TPRG1L: variants seen among roughly 807,000 people sequenced by gnomAD.
TPRG1L encodes tumor protein p63 regulated 1 like.
In TPRG1L, 25 loss-of-function variants were observed where a neutral mutation model predicts 29.4. The ratio of observed to expected loss-of-function variants is 0.85; its 90% CI spans 0.62 to 1.19. The LOEUF is 1.19. Among genes scored for constraint, TPRG1L ranks in the 50% most tolerant of loss-of-function variants. The pLI, the probability that TPRG1L is intolerant of heterozygous loss-of-function variation, is 0.00. For missense variants in TPRG1L, 354 were observed against 364.4 expected (o/e 0.97, Z 0.23); for synonymous variants, 182 against 151.1 (o/e 1.20, Z -1.50).
Position 3,625,407 on chromosome 1 carries a change from C to G in TPRG1L, c.202-17C>G, listed in dbSNP as rs753972769. 9 of 1,573,682 alleles carry G rather than the reference C, an allele frequency of 5.7e-6. No individual in the cohort carries two copies. The highest frequency in any genetic ancestry group is 7.8e-6 in the Non-Finnish European group (9 of 1,160,626). Reference sequence around the variant, plus strand: ...CTGTGATCTTTGCCCCCGTCCCCCACCCCGCAACCCGCCCAGCCCGGCAGC... The same window carrying G: ...CTGTGATCTTTGCCCCCGTCCCCCAGCCCGCAACCCGCCCAGCCCGGCAGC... On this transcript the variant is annotated splice_polypyrimidine_tract_variant and intron_variant, in intron 1 of 4. Transcript: ENST00000378344.
chr1:3,628,543 C>T lies in TPRG1L; in HGVS notation c.759C>T (p.Ser253=), dbSNP rs759742891. ...TCGAGACCTACGTGGGACTCATGTC[C>T]TTCATTAACAACGAGGCGAAACTGG... ...LLIETYVGLM[S]FINNEAKLGY... is the part of the protein sequence containing the mutation. The change falls in exon 5 of 5, where the codon TCC becomes TCT. Residue 253 remains serine, a synonymous_variant. Transcript: ENST00000378344. 1.8e-5 allele frequency: 29 copies of T among 1,613,768 alleles called. No individual in the cohort carries two copies. The highest frequency in any genetic ancestry group is 9.9e-5 in the South Asian group (9 of 91,072).
chr1:3,627,796 G>A (rs1644500497), intron 4 of TPRG1L, 143 bp downstream of exon 4: 7 of 1,056,098 alleles, frequency 6.6e-6, no homozygotes, highest in South Asian at 1.6e-5. Context: ...AATGAGAGAG[G>A]AAGCTCTCAT....
At position 3,625,480 on chromosome 1, in the gene TPRG1L, G is replaced by A. The variant is rs199651335; in HGVS notation, c.258G>A (p.Glu86=). The change falls in exon 2 of 5, where the codon GAG becomes GAA. Residue 86 remains glutamate (E), a synonymous_variant. Coordinates refer to ENST00000378344, the MANE Select transcript of TPRG1L (RefSeq NM_182752.4). ...EEIRVVVRPV[E]DGEIQGVWLL... Reference sequence around the variant, plus strand: ...TCCGCGTGGTGGTGCGGCCCGTGGAGGACGGCGAGATCCAGGGAGTGTGGC... The same window carrying A: ...TCCGCGTGGTGGTGCGGCCCGTGGAAGACGGCGAGATCCAGGGAGTGTGGC... 5 of 1,607,580 alleles carry A rather than the reference G, an allele frequency of 3.1e-6. No homozygotes were observed. The highest frequency in any genetic ancestry group is 4.2e-6 in the Non-Finnish European group (5 of 1,178,090).
rs1644474146 is a variant in TPRG1L at position 3,625,194 on chromosome 1, C to T, written c.122C>T (p.Pro41Leu). 5.5e-6 allele frequency: 7 copies of T among 1,267,440 alleles called. No homozygotes were observed. In the Admixed American group the frequency reaches 1.3e-4, roughly 23 times the overall value. 78.5% of individuals were successfully genotyped at this position (1,267,440 alleles called of 1,614,324 possible). ...GGGGGGCGGCCGGGGGCGGGGACGCCGCTGCGCCAGACACTCTGGCCTCTC... is the reference window on the plus strand; with the variant it reads ...GGGGGGCGGCCGGGGGCGGGGACGCTGCTGCGCCAGACACTCTGGCCTCTC... ...PGGGRPGAGT[P>L]LRQTLWPLSI... The change falls in exon 1 of 5, where the codon CCG becomes CTG. Residue 41 changes from proline (P) to leucine (L), a missense_variant. Transcript: ENST00000378344.
Position 3,628,878 on chromosome 1 carries a change from T to G in TPRG1L, c.*275T>G, listed in dbSNP as rs1046270394. 3.1e-6 allele frequency: 1 copy of G among 320,994 alleles called. No individual in the cohort carries two copies. The highest frequency in any genetic ancestry group is 5.7e-6 in the Non-Finnish European group (1 of 173,942). 19.9% of individuals were successfully genotyped at this position (320,994 alleles called of 1,614,324 possible). A position where few individuals can be genotyped will look rare whatever the true frequency, so the allele number is the denominator to read the frequency against. On this transcript the variant is annotated 3_prime_UTR_variant, in exon 5 of 5. Transcript: ENST00000378344. ...TGTCCCTGTGCTGCTGGTATTTCAT[T>G]CTCTGTAACTTCAGTTCTGGTGTTT...
At position 3,628,909 on chromosome 1, in the gene TPRG1L, G is replaced by A. The variant is rs1644507048; in HGVS notation, c.*306G>A. 1 of 255,640 alleles carries A rather than the reference G, an allele frequency of 3.9e-6. No homozygotes were observed. Among genetic ancestry groups the A allele is most frequent in the African/African-American group, 2.2e-5 (1 of 45,408 alleles). The allele number at this position is 255,640 out of a possible 1,614,324, so 15.8% of individuals were successfully genotyped here. On this transcript the variant is annotated 3_prime_UTR_variant, in exon 5 of 5. Transcript: ENST00000378344. The stretch of plus-strand genomic sequence containing the variant: ...TAACTTCAGTTCTGGTGTTTTCCTT[G>A]AGTATCTACTTGGCTTCTCGTGGTT...
intron 3 of TPRG1L, 82 bp downstream of exon 3, chr1:3,625,971 C>T: frequency 7.5e-7 from 1 of 1,327,520 alleles, no homozygotes; most frequent in Non-Finnish European, 1.0e-6. Flanking sequence ...ATCAGCCCCC[C>T]AAGCGGTGTG....
At chr1:3,627,328 A>G (rs1270171898) in intron 3 of TPRG1L, among the ~76,000 whole-genome samples, 172 bp from the exon 4 acceptor site, 1 of 132,356 alleles carries the variant, frequency 7.6e-6, no homozygotes, top group East Asian at 1.9e-4. Context: ...AAAAATAAAT[A>G]AAAACAAAAA....
In TPRG1L at chr1:3,625,909, A is replaced by G. The variant is rs1166304526; in HGVS notation, c.470+20A>G. 14 of 1,599,958 alleles carry G rather than the reference A, an allele frequency of 8.8e-6. No homozygotes were observed. Among genetic ancestry groups the G allele is most frequent in the East Asian group, 4.5e-5 (2 of 44,748 alleles). On this transcript the variant is annotated intron_variant, in intron 3 of 4. Transcript: ENST00000378344. ...CAACAAGTAAGCCTGTTCAGAGTCC[A>G]GTATCACTGGACCTAAGCACCAGAG...
At chr1:3,627,352 C>T in intron 3 of TPRG1L, 148 bp from the exon 4 acceptor site, 1 of 795,542 alleles carries the variant, frequency 1.3e-6, no homozygotes. Flanking sequence ...AAACTACAAG[C>T]CGTTTTCCAT....
intron 3 of TPRG1L, 99 bp downstream of exon 3, chr1:3,625,988 C>T (rs754677007): frequency 8.5e-7 from 1 of 1,178,850 alleles, no homozygotes; most frequent in Non-Finnish European, 1.2e-6. Flanking sequence ...TGTGTCTTCT[C>T]TGTCATTAAT....
chr1:3,625,569 C>T, intron 2 of TPRG1L, 54 bp downstream of exon 2: 1 of 1,574,228 alleles, frequency 6.4e-7, no homozygotes, highest in Admixed American at 1.9e-5. Flanking sequence ...AGCCGCCGCG[C>T]AGCACCTTGC....
rs1011063333 is a variant in TPRG1L at position 3,628,693 on chromosome 1, C to A, written c.*90C>A. On this transcript the variant is annotated 3_prime_UTR_variant, in exon 5 of 5. Transcript: ENST00000378344. ...ATGTGGGGGCTGGGGGACTGGGAGG[C>A]CTGGCAGTCTTCATGCTGCCCTGCT... 2 of 1,332,492 alleles carry A rather than the reference C, an allele frequency of 1.5e-6. No individual in the cohort carries two copies. Among genetic ancestry groups the A allele is most frequent in the African/African-American group, 1.5e-5 (1 of 68,494 alleles). 82.5% of individuals were successfully genotyped at this position (1,332,492 alleles called of 1,614,324 possible). A position where few individuals can be genotyped will look rare whatever the true frequency, so the allele number is the denominator to read the frequency against.
intron 3 of TPRG1L, among the ~76,000 whole-genome samples, chr1:3,627,204 G>A (rs962771566): frequency 3.9e-5 from 6 of 152,106 alleles, no homozygotes; most frequent in African/African-American, 1.4e-4. Context: ...CAGCTACTCC[G>A]GAGGCTGAGT....
At position 3,628,671 on chromosome 1, in the gene TPRG1L, T is replaced by A; in HGVS notation, c.*68T>A. ...CCCCTCCCCAGAAGGCCAAGGGATG[T>A]GGGGGCTGGGGGACTGGGAGGCCTG... On this transcript the variant is annotated 3_prime_UTR_variant, in exon 5 of 5. Transcript: ENST00000378344. 6.8e-7 allele frequency: 1 copy of A among 1,465,572 alleles called. No homozygotes were observed. Among genetic ancestry groups the A allele is most frequent in the Non-Finnish European group, 9.2e-7 (1 of 1,085,418 alleles). 90.8% of individuals were successfully genotyped at this position (1,465,572 alleles called of 1,614,324 possible).
intron 3 of TPRG1L, among the ~76,000 whole-genome samples, chr1:3,626,975 G>A (rs1004233840): frequency 5.9e-5 from 9 of 152,126 alleles, no homozygotes; most frequent in African/African-American, 2.2e-4. Context: ...TATACCCACA[G>A]TATTTAAAGC....
chr1:3,625,661 A>G, intron 2 of TPRG1L, 52 bp from the exon 3 acceptor site: 4 of 1,582,346 alleles, frequency 2.5e-6, no homozygotes, highest in Non-Finnish European at 3.4e-6. Flanking sequence ...GGCCTTGGCT[A>G]AGTCGAGACA....
chr1:3,628,812 C>G lies in TPRG1L; in HGVS notation c.*209C>G. 2.1e-6 allele frequency: 1 copy of G among 471,438 alleles called. No individual in the cohort carries two copies. Among genetic ancestry groups the G allele is most frequent in the Non-Finnish European group, 3.7e-6 (1 of 267,658 alleles). The allele number at this position is 471,438 out of a possible 1,614,324, so 29.2% of individuals were successfully genotyped here. A position where few individuals can be genotyped will look rare whatever the true frequency, so the allele number is the denominator to read the frequency against. The stretch of plus-strand genomic sequence containing the variant: ...TATCTATTTAATTGGATATTGGACT[C>G]TGCTCATATAAGCTACAGACAAAAG... On this transcript the variant is annotated 3_prime_UTR_variant, in exon 5 of 5. Coordinates refer to ENST00000378344, the MANE Select transcript of TPRG1L (RefSeq NM_182752.4).
At chr1:3,625,363 G>T in intron 1 of TPRG1L, 61 bp from the exon 2 acceptor site, 1 of 1,543,614 alleles carries the variant, frequency 6.5e-7, no homozygotes, top group Non-Finnish European at 8.7e-7. Context: ...GGGCGGTCCC[G>T]CAGGGAGCGA....
Sources: allele counts gnomAD v4.1 joint callset (sites outside exome capture counted in the v4.1 genomes callset), GRCh38; gene constraint gnomAD v4.1.1; transcripts MANE v1.5; gene names NCBI Gene and HGNC (gene_info 2026-07-23, HGNC 2026-07-21).